The following RTKN2 variants were observed in gnomAD, a reference collection of about 807,000 sequenced individuals.
RTKN2 encodes the protein rhotekin-2.
In RTKN2, 69 loss-of-function variants were observed where a neutral mutation model predicts 71.5. That is an observed-to-expected ratio of 0.96 (90% CI 0.79 to 1.18). The LOEUF (loss-of-function observed/expected upper bound fraction) is 1.18. RTKN2 is among the 50% of genes most tolerant of loss of function. RTKN2 has a pLI of 0.00. For synonymous variants in RTKN2, 236 were observed against 236.5 expected, an observed-to-expected ratio of 1.00 and a Z score of 0.02; for missense variants, 724 against 719.7, an observed-to-expected ratio of 1.01 and a Z score of -0.07.
In RTKN2 at chr10:62,194,131, T is replaced by A. The variant is rs897940056; in HGVS notation, c.*3777A>T. On this transcript the variant is annotated 3_prime_UTR_variant, in exon 12 of 12. Transcript: ENST00000373789. ...TTTTAATCCAAAAGTCTGACCCATA[T>A]TAAAAAATAAAAATTATAAACAAAG... The A allele has an allele frequency of 1.0e-6, 1 of 977,946 alleles. No homozygotes were observed. Among genetic ancestry groups the A allele is most frequent in the Non-Finnish European group, 1.2e-6 (1 of 823,228 alleles). 60.6% of individuals were successfully genotyped at this position (977,946 alleles called of 1,614,324 possible). A position where few individuals can be genotyped will look rare whatever the true frequency, so the allele number is the denominator to read the frequency against.
rs138633406 is a variant in RTKN2 at position 62,250,708 on chromosome 10, C to T, written c.258-4651G>A. 3.2e-4 allele frequency among the ~76,000 whole-genome samples: 48 copies of T among 152,300 alleles called. No individual in the cohort carries two copies. The East Asian group carries it at 9.3e-3, about 29-fold the overall frequency. The stretch of plus-strand genomic sequence containing the variant: ...GCAGTGGCATGATCTCGGCTCACTG[C>T]AACCTCCGCCTCCTGGGTTGAAGCA... On this transcript the variant is annotated intron_variant, in intron 2 of 11. Transcript: ENST00000373789.
At chr10:62,266,443 T>C (rs1022214358) in intron 1 of RTKN2, among the ~76,000 whole-genome samples, 1 of 152,200 alleles carries the variant, frequency 6.6e-6, no homozygotes, top group African/African-American at 2.4e-5. Flanking sequence ...GTAAATACAG[T>C]ACGTTCTCAT....
At chr10:62,226,275 CTTTG>C (rs369718710) in intron 6 of RTKN2, among the ~76,000 whole-genome samples, 2 of 152,142 alleles carry the variant, frequency 1.3e-5, no homozygotes, top group Non-Finnish European at 2.9e-5. Flanking sequence ...CATAAACCTC[CTTTG>C]TTTCTTACTA....
chr10:62,187,221 G>C (rs540301452), intron 8 of RTKN2, among the ~76,000 whole-genome samples: 1 of 151,648 alleles, frequency 6.6e-6, no homozygotes, highest in East Asian at 1.9e-4. Context: ...CAGAGATGAC[G>C]GCAGCTTTGT....
chr10:62,261,907 T>A (rs900672676), intron 2 of RTKN2, among the ~76,000 whole-genome samples: 43 of 152,206 alleles, frequency 2.8e-4, no homozygotes, highest in Non-Finnish European at 5.4e-4. Context: ...AATGTAAGAC[T>A]GTTTTTATTT....
In RTKN2 at chr10:62,268,584, A is replaced by G; in HGVS notation, c.27T>C (p.Pro9=). 6.4e-7 allele frequency: 1 copy of G among 1,565,732 alleles called. No homozygotes were observed. Among genetic ancestry groups the G allele is most frequent in the Middle Eastern group, 1.7e-4 (1 of 5,948 alleles). Residue 9 remains proline, a synonymous_variant, in exon 1 of 12, where the codon CCT becomes CCC. Coordinates refer to ENST00000373789, the MANE Select transcript of RTKN2 (RefSeq NM_145307.4). MEGPSLRG[P]ALRLAGLPTQ... The stretch of plus-strand genomic sequence containing the variant: ...TGGGAAGCCCCGCCAGGCGGAGCGC[A>G]GGACCCCTCAGGCTCGGCCCCTCCA...
intron 6 of RTKN2, among the ~76,000 whole-genome samples, chr10:62,230,089 A>G (rs979827582): frequency 4.6e-5 from 7 of 152,240 alleles, no homozygotes; most frequent in Admixed American, 2.6e-4. Context: ...TTGAAATGAT[A>G]AAAATTATTT....
intron 3 of RTKN2, 61 bp from the exon 4 acceptor site, chr10:62,241,256 T>G (rs1842368604): frequency 1.0e-6 from 1 of 961,848 alleles, no homozygotes; most frequent in Admixed American, 2.2e-5. Context: ...TTCTTTACAG[T>G]GACCTGAACC....
intron 6 of RTKN2, among the ~76,000 whole-genome samples, chr10:62,231,686 T>C (rs888416200): frequency 1.3e-5 from 2 of 152,088 alleles, no homozygotes; most frequent in Non-Finnish European, 2.9e-5. Flanking sequence ...AAGGGGAATG[T>C]TATTAAAAAA....
chr10:62,216,537 A>C (rs983043862), intron 9 of RTKN2, among the ~76,000 whole-genome samples: 3 of 152,052 alleles, frequency 2.0e-5, no homozygotes, highest in African/African-American at 7.2e-5. Context: ...TAGATGAAAA[A>C]ATTGTAGCTA....
chr10:62,194,070 G>C lies in RTKN2; in HGVS notation c.*3838C>G. The C allele has an allele frequency of 1.0e-6, 1 of 980,694 alleles. No individual in the cohort carries two copies. The highest frequency in any genetic ancestry group is 1.2e-6 in the Non-Finnish European group (1 of 825,876). 60.7% of individuals were successfully genotyped at this position (980,694 alleles called of 1,614,324 possible). A position where few individuals can be genotyped will look rare whatever the true frequency, so the allele number is the denominator to read the frequency against. Reference sequence around the variant, plus strand: ...TTGGGCTCGCTTACCAAATACCTTTGGTACTTTAAAAAATGTATGTCCATG... The same window carrying C: ...TTGGGCTCGCTTACCAAATACCTTTCGTACTTTAAAAAATGTATGTCCATG... On this transcript the variant is annotated 3_prime_UTR_variant, in exon 12 of 12. Transcript: ENST00000373789.
At chr10:62,244,447 G>A (rs1842440155) in intron 3 of RTKN2, among the ~76,000 whole-genome samples, 1 of 152,018 alleles carries the variant, frequency 6.6e-6, no homozygotes, top group Non-Finnish European at 1.5e-5. Flanking sequence ...TAAATGTACA[G>A]TTATTTCTAA....
chr10:62,187,937 A>G (rs1440572434), intron 8 of RTKN2, among the ~76,000 whole-genome samples: 2 of 152,234 alleles, frequency 1.3e-5, no homozygotes, highest in African/African-American at 4.8e-5. Flanking sequence ...TTAGACTGAC[A>G]TTCAAGGCCA....
exon 9 of RTKN2, chr10:62,184,297 T>C: frequency 6.9e-7 from 1 of 1,440,954 alleles, no homozygotes; most frequent in South Asian, 1.3e-5. Flanking sequence ...TTTTTCACAC[T>C]GGTTCTAATG....
chr10:62,200,992 C>T (rs1170288550), intron 10 of RTKN2, among the ~76,000 whole-genome samples: 1 of 151,944 alleles, frequency 6.6e-6, no homozygotes, highest in African/African-American at 2.4e-5. Context: ...TTAGATTTCT[C>T]CTGAGTGATG....
At chr10:62,257,818 T>C (rs1424483249) in intron 2 of RTKN2, among the ~76,000 whole-genome samples, 1 of 152,148 alleles carries the variant, frequency 6.6e-6, no homozygotes. Context: ...ATTAACAGAC[T>C]GCTATAACCA....
chr10:62,184,264 GA>G, exon 9 of RTKN2: 1 of 1,124,146 alleles, frequency 8.9e-7, no homozygotes, highest in Non-Finnish European at 1.3e-6. Context: ...TTCTACTAGA[GA>G]AATGTCACAT....
chr10:62,261,527 T>A (rs1401515487), intron 2 of RTKN2, among the ~76,000 whole-genome samples: 2 of 151,960 alleles, frequency 1.3e-5, no homozygotes, highest in Non-Finnish European at 2.9e-5. Flanking sequence ...GGCACACGCC[T>A]ATAGTCCCAG....
chr10:62,201,784 G>C (rs1216120356), intron 10 of RTKN2, among the ~76,000 whole-genome samples: 1 of 152,086 alleles, frequency 6.6e-6, no homozygotes, highest in Non-Finnish European at 1.5e-5. Context: ...AAAGTCAGAG[G>C]TATAAACGTG....
Sources: allele counts gnomAD v4.1 joint callset (sites outside exome capture counted in the v4.1 genomes callset), GRCh38; gene constraint gnomAD v4.1.1; transcripts MANE v1.5; gene names NCBI Gene and HGNC (gene_info 2026-07-23, HGNC 2026-07-21).